DPF3: variants seen among roughly 807,000 people sequenced by gnomAD.
The protein encoded by DPF3 is zinc finger protein DPF3.
In DPF3, 18 loss-of-function variants were observed where a neutral mutation model predicts 56.8. The ratio of observed to expected loss-of-function variants is 0.32; its 90% confidence interval spans 0.22 to 0.47. DPF3 has a LOEUF of 0.47. Among genes scored for constraint, DPF3 ranks in the 20% least tolerant of loss-of-function variants. The probability of loss-of-function intolerance (pLI) is 1.00; values close to 1 mark genes in which losing one functional copy is unlikely to be tolerated. For missense variants in DPF3, 403 were observed against 488.8 expected (o/e 0.82, Z 1.65); for synonymous variants, 188 against 180.2 (o/e 1.04, Z -0.35).
At chr14:72,661,163 G>A (rs1233797552) in intron 8 of DPF3, 2 of 985,222 alleles carry the variant, frequency 2.0e-6, no homozygotes, top group Non-Finnish European at 2.4e-6. Flanking sequence ...GGAGTTGGTT[G>A]GAAAGCAGAT....
At chr14:72,669,970 C>T (rs934464811) in intron 8 of DPF3, 33 of 985,878 alleles carry the variant, frequency 3.3e-5, no homozygotes, top group Non-Finnish European at 4.0e-5. Flanking sequence ...TAGGACCTCG[C>T]AGCCGGTCAT....
chr14:72,829,619 TG>T (rs1883968518), intron 1 of DPF3, among the ~76,000 whole-genome samples: 2 of 151,782 alleles, frequency 1.3e-5, no homozygotes, highest in Non-Finnish European at 2.9e-5. Context: ...CTCCTGACCT[TG>T]TGATCTGCCT....
intron 7 of DPF3, among the ~76,000 whole-genome samples, chr14:72,678,449 T>C (rs1321223769): frequency 1.3e-5 from 2 of 152,232 alleles, no homozygotes; most frequent in Non-Finnish European, 2.9e-5. Flanking sequence ...TGATCCTGTT[T>C]ATTGTCATCT....
chr14:72,836,145 G>A, intron 1 of DPF3: 2 of 986,054 alleles, frequency 2.0e-6, no homozygotes, highest in South Asian at 4.7e-5. Flanking sequence ...GGAACAGGAG[G>A]CTGATCATTG....
At chr14:72,652,461 G>C (rs939512553) in intron 8 of DPF3, among the ~76,000 whole-genome samples, 1 of 152,168 alleles carries the variant, frequency 6.6e-6, no homozygotes, top group African/African-American at 2.4e-5. Context: ...GGATGGTGCT[G>C]GGGGGAGGCG....
At chr14:72,715,643 C>A (rs1888886498) in intron 5 of DPF3, among the ~76,000 whole-genome samples, 1 of 151,920 alleles carries the variant, frequency 6.6e-6, no homozygotes, top group Admixed American at 6.6e-5. Context: ...ACTCTGTGCA[C>A]ACACACACTC....
chr14:72,677,143 C>T (rs376701396), intron 7 of DPF3, among the ~76,000 whole-genome samples: 1 of 152,146 alleles, frequency 6.6e-6, no homozygotes, highest in African/African-American at 2.4e-5. Flanking sequence ...GTATAGGCCC[C>T]GGTATGTGCA....
At chr14:72,647,602 A>T (rs1373681079) in intron 8 of DPF3, among the ~76,000 whole-genome samples, 1 of 152,220 alleles carries the variant, frequency 6.6e-6, no homozygotes, top group Non-Finnish European at 1.5e-5. Flanking sequence ...GACTGATTCA[A>T]CTGGAGTAGT....
intron 8 of DPF3, chr14:72,671,587 G>T: frequency 1.5e-6 from 1 of 648,280 alleles, no homozygotes; most frequent in South Asian, 1.5e-5. Flanking sequence ...CACAGCTTCC[G>T]ACAGCAAAAG....
At chr14:72,720,872 C>T (rs1889141979) in intron 5 of DPF3, among the ~76,000 whole-genome samples, 1 of 152,108 alleles carries the variant, frequency 6.6e-6, no homozygotes, top group Non-Finnish European at 1.5e-5. Flanking sequence ...AAATTTCCAG[C>T]AGCACATTTT....
intron 1 of DPF3, among the ~76,000 whole-genome samples, chr14:72,866,264 C>T (rs1885661381): frequency 7.3e-6 from 1 of 137,726 alleles, no homozygotes. Flanking sequence ...GCCACAGCCT[C>T]CACGCACAAG....
intron 1 of DPF3, among the ~76,000 whole-genome samples, chr14:72,843,757 G>A (rs1227679968): frequency 1.3e-5 from 2 of 152,230 alleles, no homozygotes; most frequent in East Asian, 3.9e-4. Flanking sequence ...GGTCAGGCTG[G>A]TCTCAAACTC....
chr14:72,772,753 A>T (rs1891586270), intron 1 of DPF3, among the ~76,000 whole-genome samples: 1 of 152,248 alleles, frequency 6.6e-6, no homozygotes, highest in Admixed American at 6.5e-5. Context: ...TCAAATGCAA[A>T]GCACTAAAAT....
At chr14:72,707,764 A>G (rs915701655) in intron 6 of DPF3, among the ~76,000 whole-genome samples, 4 of 151,734 alleles carry the variant, frequency 2.6e-5, no homozygotes, top group African/African-American at 9.7e-5. Context: ...ACAGCAAAAA[A>G]TTATCTCCAA....
chr14:72,636,110 G>C (rs1046888468), intron 8 of DPF3, among the ~76,000 whole-genome samples: 1 of 152,058 alleles, frequency 6.6e-6, no homozygotes, highest in Non-Finnish European at 1.5e-5. Context: ...CTGATGCTTG[G>C]TTTACAGAAA....
At chr14:72,645,099 T>A (rs1211269592) in intron 8 of DPF3, among the ~76,000 whole-genome samples, 2 of 152,238 alleles carry the variant, frequency 1.3e-5, no homozygotes, top group African/African-American at 4.8e-5. Flanking sequence ...AAAAGTTTCA[T>A]GTGAGAATTA....
intron 1 of DPF3, among the ~76,000 whole-genome samples, chr14:72,796,697 A>G (rs1892660728): frequency 1.3e-5 from 2 of 152,154 alleles, no homozygotes; most frequent in African/African-American, 2.4e-5. Flanking sequence ...GCTGTTTATT[A>G]TTCCTATTTT....
At chr14:72,879,764 C>G in intron 1 of DPF3, 1 of 1,513,692 alleles carries the variant, frequency 6.6e-7, no homozygotes, top group South Asian at 1.2e-5. Context: ...TCCCCTCAGA[C>G]TAACAAGTTC....
At chr14:72,845,398 G>A (rs1384948914) in intron 1 of DPF3, among the ~76,000 whole-genome samples, 1 of 152,148 alleles carries the variant, frequency 6.6e-6, no homozygotes, top group Non-Finnish European at 1.5e-5. Flanking sequence ...GTTACGAAAG[G>A]CAGGCAGGAA....
Sources: gnomAD v4.1 joint callset for allele counts (sites outside exome capture counted in the v4.1 genomes callset) on GRCh38, gnomAD v4.1.1 for gene constraint, MANE v1.5 for transcripts, NCBI Gene and HGNC (gene_info 2026-07-23, HGNC 2026-07-21) for gene names.